The following FLII variants were observed in gnomAD, a reference collection of about 807,000 sequenced individuals.
FLII encodes protein flightless-1 homolog.
Under a neutral mutation model 156.2 loss-of-function variants are expected in FLII, and 101 were observed. The ratio of observed to expected loss-of-function variants is 0.65; its 90% CI spans 0.55 to 0.76. The LOEUF (loss-of-function observed/expected upper bound fraction) is 0.76, where lower values mean the gene tolerates loss of function less well. FLII is among the 30% of genes least tolerant of loss of function. The pLI is 0.00. For synonymous variants in FLII, 767 were observed against 685.8 expected (o/e 1.12, Z -1.85); for missense variants, 1,675 against 1,682.8 (o/e 1.00, Z 0.08).
intron 25 of FLII, 38 bp from the exon 26 acceptor site, chr17:18,246,100 C>G: frequency 6.2e-7 from 1 of 1,614,146 alleles, no homozygotes; most frequent in Non-Finnish European, 8.5e-7. Context: ...TCGCAGCTGA[C>G]TCAGCCCCCA....
In FLII at chr17:18,249,370, T is replaced by C. The variant is rs2048188651; in HGVS notation, c.1815A>G (p.Thr605=). 3.7e-6 allele frequency: 6 copies of C among 1,614,044 alleles called. No homozygotes were observed. The highest frequency in any genetic ancestry group is 5.1e-6 in the Non-Finnish European group (6 of 1,180,018). ...DNDISYIEGG[T]ASGFYTVEDT... is the part of the protein sequence containing the mutation. ...CTTCCACAGTGTAGAAGCCACTGGC[T>C]GTTCCACCCTCAATGTAGGAGATGT... Residue 605 remains threonine, a synonymous_variant, in exon 15 of 30, where the codon ACA becomes ACG. Coordinates refer to ENST00000327031, the MANE Select transcript of FLII (RefSeq NM_002018.4).
chr17:18,250,564 T>C (rs368969636), intron 14 of FLII, among the ~76,000 whole-genome samples: 11 of 152,288 alleles, frequency 7.2e-5, no homozygotes, highest in African/African-American at 2.6e-4. Context: ...AGCCCACTGG[T>C]CTAGCTCCCA....
At position 18,248,591 on chromosome 17, in the gene FLII, C is replaced by A. The variant is rs61747392; in HGVS notation, c.2149G>T (p.Val717Leu). ...GGEPSEIKKH[V>L]PEDFWPPQPK... Reference sequence around the variant, plus strand: ...TGCGGCGGCCAGAAGTCTTCAGGCACGTGCTTCTTGATCTCAGAGGGCTCC... The same window carrying A: ...TGCGGCGGCCAGAAGTCTTCAGGCAAGTGCTTCTTGATCTCAGAGGGCTCC... Residue 717 changes from valine (V) to leucine (L), a missense_variant, in exon 18 of 30, where the codon GTG becomes TTG. Around this residue, in one of 2 missense-constraint regions of FLII, gnomAD observed 1,332 missense variants for 1,269.3 expected, o/e 1.05. Coordinates refer to ENST00000327031, the MANE Select transcript of FLII (RefSeq NM_002018.4). The A allele has an allele frequency of 7.4e-6, 12 of 1,613,362 alleles. No homozygotes were observed. The highest frequency in any genetic ancestry group is 1.6e-4 in the Middle Eastern group (1 of 6,062).
At chr17:18,248,487 T>A in intron 18 of FLII, 63 bp downstream of exon 18, 1 of 1,488,714 alleles carries the variant, frequency 6.7e-7, no homozygotes. Context: ...CGGTGTGTAG[T>A]CCATTCCCCC....
intron 1 of FLII, 44 bp from the exon 2 acceptor site, chr17:18,257,063 C>T (rs1418209840): frequency 2.2e-6 from 3 of 1,334,218 alleles, no homozygotes; most frequent in African/African-American, 2.9e-5. Context: ...CCCTGCTCAC[C>T]ACCTTCTATG....
chr17:18,248,644 A>T lies in FLII; in HGVS notation c.2096T>A (p.Leu699His). The change falls in exon 18 of 30, where the codon CTC becomes CAC. Residue 699 changes from leucine to histidine, a missense_variant. By Grantham distance (99) the Leu-to-His change is moderately conservative. Around this residue, in one of 2 missense-constraint regions of FLII, gnomAD observed 1,332 missense variants for 1,269.3 expected, o/e 1.05. Coordinates refer to ENST00000327031, the MANE Select transcript of FLII (RefSeq NM_002018.4). ...EITLLVQGQE[L>H]PEFWEALGGE... ...ACCCAGTGCCTCCCAGAACTCTGGG[A>T]GCTCCTGGCCCTGCACCAGCAGTGT... is the stretch of plus-strand genomic sequence containing the variant. 1.2e-6 allele frequency: 2 copies of T among 1,613,874 alleles called. No homozygotes were observed. The highest frequency in any genetic ancestry group is 1.1e-5 in the South Asian group (1 of 91,070).
In FLII at chr17:18,248,840, G is replaced by A. The variant is rs547756396; in HGVS notation, c.1978C>T (p.Arg660Trp). Residue 660 changes from arginine to tryptophan, a missense_variant, in exon 17 of 30, where the codon CGG becomes TGG. This residue lies in a region of FLII where 1,332 missense variants were observed against 1,269.3 expected (regional missense o/e 1.05). Transcript: ENST00000327031. ...LDRGLDIYVW[R>W]GAQATLSSTT... ...CTGCTCAGTGTGGCCTGGGCCCCCC[G>A]CCATACGTAGATGTCTAGCCCTCGG... 3.5e-5 allele frequency: 57 copies of A among 1,613,822 alleles called. No homozygotes were observed. The highest frequency in any genetic ancestry group is 1.6e-4 in the Middle Eastern group (1 of 6,062).
chr17:18,255,027 G>T (rs1201044698), intron 4 of FLII, among the ~76,000 whole-genome samples, 156 bp downstream of exon 4: 3 of 152,190 alleles, frequency 2.0e-5, no homozygotes, highest in Non-Finnish European at 4.4e-5. Context: ...TTAGGGATCT[G>T]ACTCCAAAAG....
Position 18,258,162 on chromosome 17 carries a change from T to A in FLII, c.63+466A>T, listed in dbSNP as rs1214547941. On this transcript the variant is annotated intron_variant, in intron 1 of 29. Transcript: ENST00000327031. The surrounding 1 kb of genome is among the most constrained non-coding windows in gnomAD (Gnocchi z 4.2). ...CTAGGCTCTGAGAGGGGAAGTGATC[T>A]GAGAGGCCCAGGATCACACAGTATG... 2.0e-5 allele frequency among the ~76,000 whole-genome samples: 3 copies of A among 152,222 alleles called. No homozygotes were observed. The highest frequency in any genetic ancestry group is 1.3e-4 in the Admixed American group (2 of 15,270).
At chr17:18,247,606 T>C (rs1187262525) in intron 20 of FLII, 51 bp downstream of exon 20, 2 of 1,474,400 alleles carry the variant, frequency 1.4e-6, no homozygotes, top group East Asian at 2.4e-5. Flanking sequence ...GGTCAGGGCA[T>C]GTCAGGGTGC....
At chr17:18,249,814 ACAACAAC>A (rs2048204150) in intron 14 of FLII, among the ~76,000 whole-genome samples, 2 of 147,418 alleles carry the variant, frequency 1.4e-5, no homozygotes, top group African/African-American at 5.0e-5. Context: ...AAACAAACAA[ACAACAAC>A]AAAAAAAACA....
chr17:18,246,332 G>A lies in FLII; in HGVS notation c.3182C>T (p.Thr1061Ile). ...CCGGGTGCAGAGGGCGCTGCCGTTG[G>A]TGCGGATCTGGTAGAGGCTGGGCTG... Reference protein sequence around the residue: ...AQQPSLYQIRTNGSALCTRCI... With the variant: ...AQQPSLYQIRINGSALCTRCI... Residue 1061 changes from threonine (T) to isoleucine (I), a missense_variant, in exon 24 of 30, where the codon ACC becomes ATC. Around this residue, in one of 2 missense-constraint regions of FLII, gnomAD observed 1,332 missense variants for 1,269.3 expected, o/e 1.05. Coordinates refer to ENST00000327031, the MANE Select transcript of FLII (RefSeq NM_002018.4). 6.2e-7 allele frequency: 1 copy of A among 1,613,860 alleles called. No homozygotes were observed. The highest frequency in any genetic ancestry group is 1.1e-5 in the South Asian group (1 of 91,088).
chr17:18,245,843 T>C lies in FLII; in HGVS notation c.3404A>G (p.Asn1135Ser), dbSNP rs1567703438. 1 of 1,613,844 alleles carries C rather than the reference T, an allele frequency of 6.2e-7. No homozygotes were observed. The highest frequency in any genetic ancestry group is 8.5e-7 in the Non-Finnish European group (1 of 1,179,908). The stretch of plus-strand genomic sequence containing the variant: ...GAAGTTCTCAGGCTCCTCACCTTCG[T>C]TGATAACCTGCGGGAAAGGCCAGTC... ...FDTSYSKQVI[N>S]EGEEPENFFW... The change falls in exon 27 of 30, where the codon AAC (asparagine) becomes AGC (serine). Residue 1135 changes from asparagine to serine, a missense_variant. Around this residue, in one of 2 missense-constraint regions of FLII, gnomAD observed 1,332 missense variants for 1,269.3 expected, o/e 1.05. Transcript: ENST00000327031.
chr17:18,255,270 A>G lies in FLII; in HGVS notation c.247-7T>C. ...TGGCTCGGGCCACGATGGCCTGGGA[A>G]TAAACCATAAGAGTCTATAATTCCT... On this transcript the variant is annotated splice_region_variant and splice_polypyrimidine_tract_variant and intron_variant, in intron 3 of 29. Transcript: ENST00000327031. 4 of 1,611,504 alleles carry G rather than the reference A, an allele frequency of 2.5e-6. No homozygotes were observed. The highest frequency in any genetic ancestry group is 2.2e-5 in the East Asian group (1 of 44,856).
In FLII at chr17:18,248,892, G is replaced by A. The variant is rs1567709947; in HGVS notation, c.1935-9C>T. 1.2e-6 allele frequency: 2 copies of A among 1,609,650 alleles called. No individual in the cohort carries two copies. The highest frequency in any genetic ancestry group is 1.7e-6 in the Non-Finnish European group (2 of 1,176,080). ...CCAGCAGGAAAACAAACCTGGACAA[G>A]AAGGGGCAGGAAGGAGCTGTGATGG... On this transcript the variant is annotated splice_polypyrimidine_tract_variant and intron_variant, in intron 16 of 29. Coordinates refer to ENST00000327031, the MANE Select transcript of FLII (RefSeq NM_002018.4).
At position 18,245,856 on chromosome 17, in the gene FLII, G is replaced by C. The variant is rs767576199; in HGVS notation, c.3397-6C>G. On this transcript the variant is annotated splice_region_variant and splice_polypyrimidine_tract_variant and intron_variant, in intron 26 of 29. Transcript: ENST00000327031. ...TCCTCACCTTCGTTGATAACCTGCG[G>C]GAAAGGCCAGTCCAGCCCAGGGCCC... 1 of 1,613,964 alleles carries C rather than the reference G, an allele frequency of 6.2e-7. No individual in the cohort carries two copies. Among genetic ancestry groups the C allele is most frequent in the Middle Eastern group, 1.6e-4 (1 of 6,062 alleles).
rs780180488 is a variant in FLII at position 18,247,012 on chromosome 17, C to T, written c.2717G>A (p.Gly906Asp). Reference protein sequence around the residue: ...LMEEWNEDLDGMEGFVLEGKK... With the variant: ...LMEEWNEDLDDMEGFVLEGKK... The stretch of plus-strand genomic sequence containing the variant: ...GCCCTCCAGCACGAAACCCTCCATG[C>T]CGTCTAGGTCTTCGTTCCACTCCTC... The change falls in exon 22 of 30, where the codon GGC becomes GAC. Residue 906 changes from glycine to aspartate, a missense_variant. Coordinates refer to ENST00000327031, the MANE Select transcript of FLII (RefSeq NM_002018.4). The T allele has an allele frequency of 2.9e-5, 46 of 1,613,862 alleles. No individual in the cohort carries two copies. The Admixed American group carries it at 7.3e-4, about 26-fold the overall frequency.
chr17:18,254,767 A>T lies in FLII; in HGVS notation c.413+2T>A, dbSNP rs746587345. 6.2e-7 allele frequency: 1 copy of T among 1,613,980 alleles called. No homozygotes were observed. Among genetic ancestry groups the T allele is most frequent in the Non-Finnish European group, 8.5e-7 (1 of 1,179,962 alleles). On this transcript the variant is annotated splice_donor_variant, in intron 5 of 29. Transcript: ENST00000327031. LOFTEE classifies it high-confidence loss of function. ...GCCCCCTGCCCCCCACTGGCCTGGC[A>T]CCTGTTGTGGCTGAGGTTCAGCACC...
At chr17:18,249,430 TC>T in intron 14 of FLII, 22 bp from the exon 15 acceptor site, 1 of 1,600,070 alleles carries the variant, frequency 6.2e-7, no homozygotes, top group Non-Finnish European at 8.6e-7. Context: ...AGGGTGTGGT[TC>T]TTCATCACTG....
Sources: allele counts gnomAD v4.1 joint callset (sites outside exome capture counted in the v4.1 genomes callset), GRCh38; gene constraint gnomAD v4.1.1; regional missense constraint gnomAD v4.1.1; non-coding constraint Gnocchi (gnomAD v3.1); transcripts MANE v1.5; gene names NCBI Gene and HGNC (gene_info 2026-07-23, HGNC 2026-07-21).